Variants in KIAA1217 observed in about 807,000 individuals in gnomAD.
KIAA1217 encodes KIAA1217.
Under a neutral mutation model 163.9 loss-of-function variants are expected in KIAA1217, and 88 were observed. That is an observed-to-expected ratio of 0.54 (90% CI 0.45 to 0.64). KIAA1217 has a LOEUF of 0.64. Among genes scored for constraint, KIAA1217 ranks in the 30% least tolerant of loss-of-function variants. The pLI is 0.00. For missense variants in KIAA1217, 2,372 were observed against 2,475.0 expected, an observed-to-expected ratio of 0.96 and a Z score of 0.88; for synonymous variants, 903 against 923.1, an observed-to-expected ratio of 0.98 and a Z score of 0.39.
At chr10:23,829,802 A>G (rs1167330108) in intron 1 of KIAA1217, among the ~76,000 whole-genome samples, 3 of 152,216 alleles carry the variant, frequency 2.0e-5, no homozygotes, top group Non-Finnish European at 4.4e-5. Context: ...AATGCCTTGC[A>G]TAGTTGTTAG....
chr10:24,179,138 G>A (rs1158134746), intron 2 of KIAA1217, among the ~76,000 whole-genome samples: 5 of 152,136 alleles, frequency 3.3e-5, no homozygotes, highest in Admixed American at 6.5e-5. Flanking sequence ...AAGTACTTAG[G>A]CATTGATGCT....
At chr10:24,520,017 C>A in intron 10 of KIAA1217, 106 bp from the exon 11 acceptor site, 1 of 1,305,830 alleles carries the variant, frequency 7.7e-7, no homozygotes, top group Non-Finnish European at 1.1e-6. Context: ...GGGGGAGGAG[C>A]TGGGGCTCTA....
intron 5 of KIAA1217, among the ~76,000 whole-genome samples, chr10:24,439,268 C>A (rs2060297174): frequency 6.6e-6 from 1 of 151,876 alleles, no homozygotes; most frequent in African/African-American, 2.4e-5. Flanking sequence ...CAGCTGTACA[C>A]CCCCTACACA....
chr10:24,196,803 G>A (rs115111831), intron 2 of KIAA1217, among the ~76,000 whole-genome samples: 197 of 152,308 alleles, frequency 1.3e-3, no homozygotes, highest in African/African-American at 4.5e-3. Context: ...AGACAGGGCC[G>A]AGGTGCAGAT....
At chr10:24,443,840 C>T (rs1281776311) in intron 5 of KIAA1217, among the ~76,000 whole-genome samples, 1 of 152,028 alleles carries the variant, frequency 6.6e-6, no homozygotes, top group Non-Finnish European at 1.5e-5. Context: ...AAAAATGGGA[C>T]TTGCTTTAAA....
Position 24,228,008 on chromosome 10 carries a change from C to T in KIAA1217, c.354+8099C>T, listed in dbSNP as rs546393977. ...AAAACTGCTCTGGAGACCAGGAGAG[C>T]TGGCTCACACCTATAATCTCAACAC... On this transcript the variant is annotated intron_variant, in intron 2 of 20. Coordinates refer to ENST00000376454, the MANE Select transcript of KIAA1217 (RefSeq NM_019590.5). Among the ~76,000 whole-genome samples, 43 of 152,208 alleles carry T rather than the reference C, an allele frequency of 2.8e-4. No homozygotes were observed. The South Asian group carries it at 8.9e-3, about 32-fold the overall frequency.
At chr10:24,392,865 C>T (rs540616320) in intron 3 of KIAA1217, among the ~76,000 whole-genome samples, 2 of 152,242 alleles carry the variant, frequency 1.3e-5, no homozygotes, top group Admixed American at 1.3e-4. Flanking sequence ...TTCCCTTTGC[C>T]ATGAAAACTC....
In KIAA1217 at chr10:24,436,628, G is replaced by T. The variant is rs555434611; in HGVS notation, c.753-1758G>T. ...AAAAAATTAGCCGGGCGTGGTGGCG[G>T]GCACCTGTAGTCCCAGCTGCTGGGG... On this transcript the variant is annotated intron_variant, in intron 4 of 20. Transcript: ENST00000376454. Among the ~76,000 whole-genome samples the T allele has an allele frequency of 1.3e-4, 20 of 151,796 alleles. No individual in the cohort carries two copies. The East Asian group carries it at 3.9e-3, about 30-fold the overall frequency.
chr10:24,408,744 A>G (rs1591687861), intron 3 of KIAA1217, among the ~76,000 whole-genome samples: 1 of 152,148 alleles, frequency 6.6e-6, no homozygotes, highest in African/African-American at 2.4e-5. Flanking sequence ...TCTTTATTCA[A>G]ACACCATCTT....
intron 2 of KIAA1217, among the ~76,000 whole-genome samples, chr10:24,232,935 CAAAA>C (rs908492411): frequency 0.013 from 744 of 56,268 alleles, 2 homozygotes; most frequent in African/African-American, 0.052. Context: ...CTTATCTCTA[CAAAA>C]AAAAAAAAAA....
chr10:24,119,862 C>T (rs1199785739), intron 2 of KIAA1217, among the ~76,000 whole-genome samples: 1 of 152,216 alleles, frequency 6.6e-6, no homozygotes, highest in African/African-American at 2.4e-5. Context: ...TTAAAATGAT[C>T]TGTGCTTCCT....
chr10:23,996,372 A>G (rs1359650407), intron 1 of KIAA1217, among the ~76,000 whole-genome samples: 1 of 152,170 alleles, frequency 6.6e-6, no homozygotes, highest in Admixed American at 6.5e-5. Flanking sequence ...TGATATAGGA[A>G]GGAGACAATT....
chr10:24,477,776 G>GTACT (rs371373454), intron 6 of KIAA1217, among the ~76,000 whole-genome samples: 48 of 152,208 alleles, frequency 3.2e-4, no homozygotes, highest in African/African-American at 1.1e-3. Flanking sequence ...ATGCATCTGA[G>GTACT]TACTATGTCA....
chr10:24,373,587 G>A (rs145334234), intron 2 of KIAA1217, among the ~76,000 whole-genome samples: 86 of 152,218 alleles, frequency 5.6e-4, no homozygotes, highest in African/African-American at 2.0e-3. Context: ...CAAGGACAAG[G>A]TAAATTAACA....
intron 3 of KIAA1217, among the ~76,000 whole-genome samples, chr10:24,398,438 C>G (rs1200580059): frequency 1.3e-5 from 2 of 152,118 alleles, no homozygotes; most frequent in African/African-American, 4.8e-5. Context: ...ATGTACAGGT[C>G]TGCAGCAATC....
At chr10:23,947,512 T>C (rs1269921236) in intron 1 of KIAA1217, among the ~76,000 whole-genome samples, 2 of 152,220 alleles carry the variant, frequency 1.3e-5, no homozygotes, top group East Asian at 3.8e-4. Flanking sequence ...TTTCACCTAA[T>C]TACTCAAAGC....
At chr10:24,359,678 G>T (rs1284523649) in intron 2 of KIAA1217, among the ~76,000 whole-genome samples, 1 of 152,088 alleles carries the variant, frequency 6.6e-6, no homozygotes, top group East Asian at 1.9e-4. Context: ...TTCACTATAG[G>T]ATTACTTTAG....
chr10:23,847,101 C>A (rs936415390), intron 1 of KIAA1217, among the ~76,000 whole-genome samples: 64 of 152,014 alleles, frequency 4.2e-4, no homozygotes, highest in African/African-American at 1.4e-3. Flanking sequence ...GATTGTGGTA[C>A]ATAAGCTTTT....
intron 2 of KIAA1217, among the ~76,000 whole-genome samples, chr10:24,336,458 T>C (rs1466976152): frequency 6.6e-6 from 1 of 152,214 alleles, no homozygotes; most frequent in Non-Finnish European, 1.5e-5. Context: ...GTTGCTGTTT[T>C]CCCTTAGAAT....
Sources: gnomAD v4.1 joint callset for allele counts (sites outside exome capture counted in the v4.1 genomes callset) on GRCh38, gnomAD v4.1.1 for gene constraint, MANE v1.5 for transcripts, NCBI Gene and HGNC (gene_info 2026-07-23, HGNC 2026-07-21) for gene names.